The following ASPM variants were observed in gnomAD, a reference collection of about 807,000 sequenced individuals.
The protein encoded by ASPM is assembly factor for spindle microtubules.
In ASPM, 256 loss-of-function variants were observed where a neutral mutation model predicts 366.4. The ratio of observed to expected loss-of-function variants is 0.70; its 90% CI spans 0.63 to 0.77. The LOEUF (loss-of-function observed/expected upper bound fraction) is 0.77, where lower values mean the gene tolerates loss of function less well. Among genes scored for constraint, ASPM ranks in the 30% least tolerant of loss-of-function variants. The pLI, the probability that ASPM is intolerant of heterozygous loss-of-function variation, is 0.00. For missense variants in ASPM, 4,146 were observed against 4,090.4 expected, an observed-to-expected ratio of 1.01 and a Z score of -0.37; for synonymous variants, 1,414 against 1,342.9, an observed-to-expected ratio of 1.05 and a Z score of -1.16.
chr1:197,131,598 G>T (rs1448357390), intron 7 of ASPM, among the ~76,000 whole-genome samples: 4 of 148,824 alleles, frequency 2.7e-5, no homozygotes, highest in Non-Finnish European at 4.5e-5. Flanking sequence ...TGTCACCCAG[G>T]CCCAGGCTGG....
intron 17 of ASPM, among the ~76,000 whole-genome samples, chr1:197,111,454 G>T (rs1657582662): frequency 6.6e-6 from 1 of 152,044 alleles, no homozygotes; most frequent in Non-Finnish European, 1.5e-5. Flanking sequence ...ACAGAGAAAA[G>T]AGAACACTTA....
chr1:197,103,807 T>C lies in ASPM; in HGVS notation c.5444A>G (p.Tyr1815Cys), dbSNP rs776914603. Residue 1815 changes from tyrosine (Y) to cysteine (C), a missense_variant, in exon 18 of 28, where the codon TAT (tyrosine) becomes TGT (cysteine). By Grantham distance (194) the Tyr-to-Cys change is radical. Around this residue, in one of 3 missense-constraint regions of ASPM, gnomAD observed 3,624 missense variants for 3,591.7 expected, o/e 1.01. Coordinates refer to ENST00000367409, the MANE Select transcript of ASPM (RefSeq NM_018136.5). Reference protein sequence around the residue: ...ATCLQAAYRGYKVRQLIKQQS... With the variant: ...ATCLQAAYRGCKVRQLIKQQS... ...TTGTTTGATTAGCTGGCGTACTTTA[T>C]AACCTCTGTAAGCTGCTTGCAAGCA... 1.2e-6 allele frequency: 2 copies of C among 1,613,030 alleles called. No individual in the cohort carries two copies. Among genetic ancestry groups the C allele is most frequent in the Non-Finnish European group, 1.7e-6 (2 of 1,179,382 alleles).
intron 21 of ASPM, 97 bp downstream of exon 21, chr1:197,092,955 C>A: frequency 9.4e-7 from 1 of 1,067,284 alleles, no homozygotes; most frequent in South Asian, 1.3e-5. Flanking sequence ...CATATTAGTT[C>A]TGAAATTATT....
intron 3 of ASPM, among the ~76,000 whole-genome samples, chr1:197,141,780 C>CACAGTGCCTAGAAAAA (rs1223727786): frequency 1.3e-5 from 2 of 152,138 alleles, no homozygotes; most frequent in Non-Finnish European, 2.9e-5. Flanking sequence ...GAAAAATGCA[C>CACAGTGCCTAGAAAAA]ATCACATAGT....
intron 13 of ASPM, among the ~76,000 whole-genome samples, chr1:197,123,006 G>T (rs1307946116): frequency 1.3e-5 from 2 of 152,252 alleles, no homozygotes; most frequent in Non-Finnish European, 2.9e-5. Context: ...TGAGCCTCTG[G>T]TTATAATATG....
chr1:197,102,063 C>T lies in ASPM; in HGVS notation c.7188G>A (p.Arg2396=), dbSNP rs1376267459. The part of the protein sequence containing the change: ...HSAVILQAAF[R]GMKTRRHLKS... ...TCAAATGTCTTCTAGTTTTCATACC[C>T]CTGAATGCAGCCTGAAGGATCACAG... Residue 2396 remains arginine (R), a synonymous_variant, in exon 18 of 28, where the codon AGG becomes AGA. Transcript: ENST00000367409. The T allele has an allele frequency of 2.5e-6, 4 of 1,612,886 alleles. No homozygotes were observed. The South Asian group carries it at 3.3e-5, about 13-fold the overall frequency.
At chr1:197,141,621 T>A (rs367990638) in intron 3 of ASPM, among the ~76,000 whole-genome samples, 4 of 152,150 alleles carry the variant, frequency 2.6e-5, no homozygotes, top group African/African-American at 9.6e-5. Context: ...AGGAAGTCTT[T>A]CTTGGAACCA....
At chr1:197,093,983 C>T in intron 20 of ASPM, 101 bp downstream of exon 20, 2 of 777,742 alleles carry the variant, frequency 2.6e-6, no homozygotes, top group Non-Finnish European at 4.1e-6. Flanking sequence ...ACTTTTTTTC[C>T]AGCGAAGGAT....
chr1:197,135,090 G>A lies in ASPM; in HGVS notation c.2173+6C>T, dbSNP rs377501585. On this transcript the variant is annotated splice_donor_region_variant and intron_variant, in intron 5 of 27. Coordinates refer to ENST00000367409, the MANE Select transcript of ASPM (RefSeq NM_018136.5). ...TATTAAATTTAAACATTAATTTAAC[G>A]TTTACCTTCAGAAATATTTGTTTTT... The A allele has an allele frequency of 1.2e-5, 19 of 1,550,370 alleles. No homozygotes were observed. The highest frequency in any genetic ancestry group is 6.8e-5 in the East Asian group (3 of 43,946).
At position 197,096,056 on chromosome 1, in the gene ASPM, T is replaced by A. The variant is rs148818072; in HGVS notation, c.8929A>T (p.Ile2977Leu). The change falls in exon 19 of 28, where the codon ATA (isoleucine) becomes TTA (leucine). Residue 2977 changes from isoleucine to leucine, a missense_variant. Ile to Leu is a conservative substitution (Grantham distance 5, BLOSUM62 2). Around this residue, in one of 3 missense-constraint regions of ASPM, gnomAD observed 3,624 missense variants for 3,591.7 expected, o/e 1.01. Transcript: ENST00000367409. The stretch of plus-strand genomic sequence containing the variant: ...TGAATAATTTTAACAGCTTTTAATA[T>A]AGCTAGATATTCTTTGTGTGCTCTC... ...CWRAHKEYLA[I>L]LKAVKIIQGC... The A allele has an allele frequency of 6.2e-7, 1 of 1,609,040 alleles. No homozygotes were observed. The highest frequency in any genetic ancestry group is 8.5e-7 in the Non-Finnish European group (1 of 1,176,126).
rs34258529 is a variant in ASPM at position 197,134,250 on chromosome 1, TA to T, written c.2174-656del. Reference sequence around the variant, plus strand: ...TCTTCTATTCAAAAATAAAAAATAATAAAAAAAAAAAACTAGCCAGGCATGG... The same window carrying T: ...TCTTCTATTCAAAAATAAAAAATAATAAAAAAAAAAACTAGCCAGGCATGG... On this transcript the variant is annotated intron_variant, in intron 5 of 27. Transcript: ENST00000367409. Among the ~76,000 whole-genome samples, 365 of 127,386 alleles carry T rather than the reference TA, an allele frequency of 2.9e-3. 2 individuals carry two copies. The highest frequency in any genetic ancestry group is 9.2e-3 in the African/African-American group (348 of 37,812). 83.6% of individuals were successfully genotyped at this position (127,386 alleles called of 152,430 possible). A position where few individuals can be genotyped will look rare whatever the true frequency, so the allele number is the denominator to read the frequency against.
Position 197,143,618 on chromosome 1 carries a change from A to G in ASPM, c.634T>C (p.Leu212=). The G allele has an allele frequency of 6.2e-7, 1 of 1,613,242 alleles. No homozygotes were observed. Among genetic ancestry groups the G allele is most frequent in the Non-Finnish European group, 8.5e-7 (1 of 1,179,924 alleles). Residue 212 remains leucine (L), a synonymous_variant, in exon 3 of 28, where the codon TTA becomes CTA. Coordinates refer to ENST00000367409, the MANE Select transcript of ASPM (RefSeq NM_018136.5). The stretch of plus-strand genomic sequence containing the variant: ...GGTATTTTATTTTCTTCAAGTATTA[A>G]AGAATTGTTTTCTGTTGGGGGACCG... ...EGGPPTENNS[L]ILEENKIPIS...
At position 197,143,028 on chromosome 1, in the gene ASPM, C is replaced by T. The variant is rs1437986665; in HGVS notation, c.1224G>A (p.Gln408=). 4.3e-6 allele frequency: 7 copies of T among 1,612,994 alleles called. No homozygotes were observed. The East Asian group carries it at 1.6e-4, about 36-fold the overall frequency. The change falls in exon 3 of 28, where the codon CAG becomes CAA. Residue 408 remains glutamine, a synonymous_variant. Coordinates refer to ENST00000367409, the MANE Select transcript of ASPM (RefSeq NM_018136.5). ...KDNMAYMCTS[Q]QTCKVPLSNE... Reference sequence around the variant, plus strand: ...TTGATAATGGTACTTTACATGTTTGCTGAGATGTACACATATATGCCATGT... The same window carrying T: ...TTGATAATGGTACTTTACATGTTTGTTGAGATGTACACATATATGCCATGT...
In ASPM at chr1:197,084,242, CGGAG is replaced by C; in HGVS notation, c.*78_*81del. On this transcript the variant is annotated 3_prime_UTR_variant, in exon 28 of 28. Transcript: ENST00000367409. Reference sequence around the variant, plus strand: ...AAAGTCAGATTTTAAAAGTTGTACACGGAGAGCAAAAATCACTTTACGTACTCAT... The same window carrying C: ...AAAGTCAGATTTTAAAAGTTGTACACAGCAAAAATCACTTTACGTACTCAT... The C allele has an allele frequency of 7.9e-6, 8 of 1,017,132 alleles. No homozygotes were observed. Among genetic ancestry groups the C allele is most frequent in the South Asian group, 2.6e-5 (2 of 75,636 alleles). 63.0% of individuals were successfully genotyped at this position (1,017,132 alleles called of 1,614,324 possible).
rs1657782443 is a variant in ASPM at position 197,117,781 on chromosome 1, T to A, written c.4065+8A>T. On this transcript the variant is annotated splice_region_variant and intron_variant, in intron 17 of 27. Transcript: ENST00000367409. ...TTTAAATTCAAAAATTAGTCCAGGA[T>A]ACTATACCTGAATAAGTGATGCTGC... 1 of 1,608,828 alleles carries A rather than the reference T, an allele frequency of 6.2e-7. No homozygotes were observed. The highest frequency in any genetic ancestry group is 1.7e-5 in the Admixed American group (1 of 59,662).
intron 17 of ASPM, among the ~76,000 whole-genome samples, chr1:197,109,998 T>G (rs994695325): frequency 6.6e-6 from 1 of 152,092 alleles, no homozygotes; most frequent in South Asian, 2.1e-4. Flanking sequence ...AAGTTGTCAG[T>G]GTACCTCAAA....
At chr1:197,098,587 G>T (rs1281029231) in intron 18 of ASPM, among the ~76,000 whole-genome samples, 1 of 151,458 alleles carries the variant, frequency 6.6e-6, no homozygotes, top group African/African-American at 2.4e-5. Flanking sequence ...GTAGTGTTAG[G>T]AATTTGATAC....
rs150852085 is a variant in ASPM at position 197,133,506 on chromosome 1, C to T, written c.2263G>A (p.Ala755Thr). 6.4e-5 allele frequency: 104 copies of T among 1,614,100 alleles called. 1 individual carries two copies. The African/African-American group carries it at 1.3e-3, about 21-fold the overall frequency. Residue 755 changes from alanine to threonine, a missense_variant, in exon 6 of 28, where the codon GCT becomes ACT. Around this residue, in one of 3 missense-constraint regions of ASPM, gnomAD observed 3,624 missense variants for 3,591.7 expected, o/e 1.01. Coordinates refer to ENST00000367409, the MANE Select transcript of ASPM (RefSeq NM_018136.5). ...APTKEEMSLR[A>T]YTARCRLNRL... ...TTTAACCTACACCGAGCAGTATAAG[C>T]TCTGAGAGACATTTCCTCTTTTGTA... is the stretch of plus-strand genomic sequence containing the variant.
rs190840632 is a variant in ASPM, at chr1:197,143,010, T to C, written c.1242A>G (p.Pro414=). 1.2e-5 allele frequency: 20 copies of C among 1,613,718 alleles called. No individual in the cohort carries two copies. The highest frequency in any genetic ancestry group is 1.1e-4 in the African/African-American group (8 of 75,038). Residue 414 remains proline (P), a synonymous_variant, in exon 3 of 28, where the codon CCA becomes CCG. Transcript: ENST00000367409. ...GGACTTGAGAATTTTCATTTGATAA[T>C]GGTACTTTACATGTTTGCTGAGATG... ...MCTSQQTCKV[P]LSNENSQVPQ... is the part of the protein sequence containing the mutation.
Sources: gnomAD v4.1 joint callset for allele counts (sites outside exome capture counted in the v4.1 genomes callset) on GRCh38, gnomAD v4.1.1 for gene constraint, gnomAD v4.1.1 regional missense constraint, MANE v1.5 for transcripts, NCBI Gene and HGNC (gene_info 2026-07-23, HGNC 2026-07-21) for gene names.